The following LSAMP variants were observed in gnomAD, a reference collection of about 807,000 sequenced individuals.
The protein encoded by LSAMP is limbic system-associated membrane protein.
LSAMP carries 7 observed loss-of-function variants against 38.6 expected under a neutral mutation model. That is an observed-to-expected ratio of 0.18 (90% confidence interval 0.10 to 0.34). LSAMP has a LOEUF of 0.34. Among genes scored for constraint, LSAMP ranks in the 10% least tolerant of loss-of-function variants. The pLI is 1.00. For synonymous variants in LSAMP, 154 were observed against 166.8 expected (o/e 0.92, Z 0.59); for missense variants, 313 against 420.0 (o/e 0.75, Z 2.23).
At chr3:116,290,823 T>TAATC (rs1403874251) in intron 1 of LSAMP, among the ~76,000 whole-genome samples, 8 of 151,634 alleles carry the variant, frequency 5.3e-5, no homozygotes, top group African/African-American at 1.9e-4. Context: ...ATCCTTGATA[T>TAATC]AATCAATCAG....
At chr3:116,203,118 A>G (rs1449105374) in intron 1 of LSAMP, among the ~76,000 whole-genome samples, 1 of 151,966 alleles carries the variant, frequency 6.6e-6, no homozygotes, top group Non-Finnish European at 1.5e-5. Flanking sequence ...CATGTCTTTT[A>G]TTTTCCTTTC....
At chr3:115,918,713 T>TG (rs1409879954) in intron 3 of LSAMP, among the ~76,000 whole-genome samples, 1 of 151,384 alleles carries the variant, frequency 6.6e-6, no homozygotes, top group Non-Finnish European at 1.5e-5. Context: ...ACAGGTTTTT[T>TG]TTTTTTTTTT....
chr3:116,155,863 C>T (rs1463744967), intron 1 of LSAMP, among the ~76,000 whole-genome samples: 1 of 152,050 alleles, frequency 6.6e-6, no homozygotes, highest in Admixed American at 6.6e-5. Context: ...TTTGTTAGGA[C>T]AAAGCTCAAA....
intron 3 of LSAMP, among the ~76,000 whole-genome samples, chr3:115,854,286 T>TTA (rs1559851941): frequency 8.6e-6 from 1 of 116,532 alleles, no homozygotes; most frequent in Non-Finnish European, 1.8e-5. Context: ...ATTATTATTT[T>TTA]TTTTTTTTTT....
chr3:115,904,331 G>T (rs1215508068), intron 3 of LSAMP, among the ~76,000 whole-genome samples: 1 of 151,922 alleles, frequency 6.6e-6, no homozygotes, highest in Non-Finnish European at 1.5e-5. Context: ...TAGAAAAAGG[G>T]ATCCATGAAG....
intron 1 of LSAMP, among the ~76,000 whole-genome samples, chr3:116,340,545 C>T (rs938927865): frequency 2.6e-5 from 4 of 151,998 alleles, no homozygotes; most frequent in African/African-American, 7.2e-5. Flanking sequence ...ATGCTTATTG[C>T]GGATCAGTGA....
At chr3:115,855,265 A>T (rs1484186475) in intron 3 of LSAMP, among the ~76,000 whole-genome samples, 1 of 152,258 alleles carries the variant, frequency 6.6e-6, no homozygotes, top group Non-Finnish European at 1.5e-5. Context: ...CTATGAAAGG[A>T]AATAGTAAGA....
intron 1 of LSAMP, among the ~76,000 whole-genome samples, chr3:116,191,492 ACT>A (rs1426126401): frequency 1.3e-5 from 2 of 151,906 alleles, no homozygotes; most frequent in South Asian, 2.1e-4. Flanking sequence ...TTCCCAAATG[ACT>A]CTGCAGCCCA....
intron 1 of LSAMP, among the ~76,000 whole-genome samples, chr3:116,295,751 G>T (rs546971775): frequency 5.3e-5 from 8 of 152,214 alleles, no homozygotes; most frequent in Admixed American, 5.2e-4. Flanking sequence ...ATTATGTATT[G>T]ACCCTCCAAG....
chr3:116,144,437 C>T lies in LSAMP; in HGVS notation c.156-57881G>A, dbSNP rs543431069. On this transcript the variant is annotated intron_variant, in intron 1 of 6. Coordinates refer to ENST00000490035, the MANE Select transcript of LSAMP (RefSeq NM_002338.5). ...ACTTGGGGAGCTGAGGTGATATGATCATCTGAGTCCAGGAGGATGAGGCAG... is the reference window on the plus strand; with the variant it reads ...ACTTGGGGAGCTGAGGTGATATGATTATCTGAGTCCAGGAGGATGAGGCAG... 2.0e-5 allele frequency among the ~76,000 whole-genome samples: 3 copies of T among 151,938 alleles called. No individual in the cohort carries two copies. The East Asian group carries it at 5.8e-4, about 29-fold the overall frequency.
intron 1 of LSAMP, among the ~76,000 whole-genome samples, chr3:116,282,135 A>G (rs901714356): frequency 3.3e-5 from 5 of 152,240 alleles, no homozygotes; most frequent in African/African-American, 4.8e-5. Context: ...GACTGCGCTC[A>G]TGCTGGGCAG....
At position 116,182,197 on chromosome 3, in the gene LSAMP, C is replaced by T. The variant is rs7639528; in HGVS notation, c.156-95641G>A. On this transcript the variant is annotated intron_variant, in intron 1 of 6. Coordinates refer to ENST00000490035, the MANE Select transcript of LSAMP (RefSeq NM_002338.5). Reference sequence around the variant, plus strand: ...GTAGATTCCAAGAGCATTCATGACACCTCTGTAGCAAATGATGCAGCCAAA... The same window carrying T: ...GTAGATTCCAAGAGCATTCATGACATCTCTGTAGCAAATGATGCAGCCAAA... Among the ~76,000 whole-genome samples, 1,118 of 151,854 alleles carry T rather than the reference C, an allele frequency of 7.4e-3. 12 individuals carry two copies. The highest frequency in any genetic ancestry group is 0.026 in the African/African-American group (1,082 of 41,484).
At chr3:116,061,652 C>T (rs1257793680) in intron 2 of LSAMP, among the ~76,000 whole-genome samples, 2 of 152,184 alleles carry the variant, frequency 1.3e-5, no homozygotes, top group Non-Finnish European at 2.9e-5. Context: ...AGCACTATCA[C>T]CTATCACCAT....
At chr3:115,831,939 C>T (rs1405446145) in intron 6 of LSAMP, among the ~76,000 whole-genome samples, 1 of 152,026 alleles carries the variant, frequency 6.6e-6, no homozygotes, top group Non-Finnish European at 1.5e-5. Flanking sequence ...ATATAAATTA[C>T]CCATTGGTGG....
At chr3:116,336,788 A>G (rs1456537206) in intron 1 of LSAMP, among the ~76,000 whole-genome samples, 2 of 151,936 alleles carry the variant, frequency 1.3e-5, no homozygotes, top group Non-Finnish European at 2.9e-5. Flanking sequence ...TTCCACTTCT[A>G]GGTATAAACT....
At chr3:116,104,587 A>G (rs984909630) in intron 1 of LSAMP, among the ~76,000 whole-genome samples, 1 of 152,204 alleles carries the variant, frequency 6.6e-6, no homozygotes, top group East Asian at 1.9e-4. Context: ...TGCCGAAATC[A>G]TCCATTTTAA....
intron 1 of LSAMP, among the ~76,000 whole-genome samples, chr3:116,342,537 G>A (rs1011973789): frequency 6.6e-6 from 1 of 152,044 alleles, no homozygotes; most frequent in African/African-American, 2.4e-5. Context: ...CAACGGATGA[G>A]GAATATGTTT....
chr3:116,221,172 G>GAAAAAAAAA (rs1275673221), intron 1 of LSAMP, among the ~76,000 whole-genome samples: 38 of 66,568 alleles, frequency 5.7e-4, no homozygotes, highest in African/African-American at 6.3e-4. Flanking sequence ...AAAAAAAAAG[G>GAAAAAAAAA]AAAGGGGCAG....
At chr3:116,163,629 C>T (rs990546621) in intron 1 of LSAMP, among the ~76,000 whole-genome samples, 1 of 151,930 alleles carries the variant, frequency 6.6e-6, no homozygotes, top group Non-Finnish European at 1.5e-5. Context: ...ATTTCTAGTT[C>T]TAGATCCCTG....
Sources: gnomAD v4.1 joint callset for allele counts (sites outside exome capture counted in the v4.1 genomes callset) on GRCh38, gnomAD v4.1.1 for gene constraint, MANE v1.5 for transcripts, NCBI Gene and HGNC (gene_info 2026-07-23, HGNC 2026-07-21) for gene names.